The following LAMP1 variants were observed in gnomAD, a reference collection of about 807,000 sequenced individuals.
LAMP1 encodes lysosome associated membrane protein 1.
Under a neutral mutation model 37.5 loss-of-function variants are expected in LAMP1, and 7 were observed. The observed-to-expected ratio is 0.19, with a 90% confidence interval of 0.11 to 0.35. The LOEUF is 0.35. Among genes scored for constraint, LAMP1 ranks in the 10% least tolerant of loss-of-function variants. The pLI, the probability that LAMP1 is intolerant of heterozygous loss-of-function variation, is 1.00. For missense variants in LAMP1, 537 were observed against 552.8 expected, an observed-to-expected ratio of 0.97 and a Z score of 0.29; for synonymous variants, 236 against 229.1, an observed-to-expected ratio of 1.03 and a Z score of -0.27.
chr13:113,311,922 G>A (rs528461327), intron 4 of LAMP1, among the ~76,000 whole-genome samples: 2 of 152,322 alleles, frequency 1.3e-5, no homozygotes, highest in South Asian at 4.1e-4. Flanking sequence ...AAGCGTGAGG[G>A]CCTGTGATTT....
intron 1 of LAMP1, among the ~76,000 whole-genome samples, chr13:113,304,727 A>G (rs1170265792): frequency 2.0e-5 from 3 of 150,340 alleles, no homozygotes; most frequent in African/African-American, 7.4e-5. Flanking sequence ...TGCAATCTCG[A>G]CTCACTGCAA....
At chr13:113,303,102 C>T (rs1032585323) in intron 1 of LAMP1, among the ~76,000 whole-genome samples, 3 of 152,202 alleles carry the variant, frequency 2.0e-5, no homozygotes, top group Admixed American at 6.5e-5. Flanking sequence ...GCGTCAGTGC[C>T]GGGCACCAAA....
At chr13:113,313,894 A>G (rs1317855328) in intron 4 of LAMP1, among the ~76,000 whole-genome samples, 8 of 74,330 alleles carry the variant, frequency 1.1e-4, no homozygotes, top group Non-Finnish European at 1.4e-4. Context: ...CCTGGAGGGA[A>G]CCAGCGTGGA....
In LAMP1 at chr13:113,306,540, C is replaced by T. The variant is rs372572919; in HGVS notation, c.117C>T (p.Thr39=). Reference sequence around the variant, plus strand: ...TTATGGTGAAAAATGGCAACGGGACCGCGTGCATAATGGCCAACTTCTCTG... The same window carrying T: ...TTATGGTGAAAAATGGCAACGGGACTGCGTGCATAATGGCCAACTTCTCTG... ...AMFMVKNGNG[T]ACIMANFSAA... Residue 39 remains threonine (T), a synonymous_variant, in exon 2 of 9, where the codon ACC becomes ACT. Transcript: ENST00000332556. 50 of 1,613,878 alleles carry T rather than the reference C, an allele frequency of 3.1e-5. No individual in the cohort carries two copies. The African/African-American group carries it at 3.3e-4, about 11-fold the overall frequency.
chr13:113,308,618 C>T (rs1462548496), intron 2 of LAMP1, among the ~76,000 whole-genome samples: 1 of 152,126 alleles, frequency 6.6e-6, no homozygotes, highest in African/African-American at 2.4e-5. Context: ...GCCCAGCGTA[C>T]CTGGTCTCCA....
Position 113,321,891 on chromosome 13 carries a change from C to A in LAMP1, c.1114+164C>A. 1 of 679,072 alleles carries A rather than the reference C, an allele frequency of 1.5e-6. No homozygotes were observed. The highest frequency in any genetic ancestry group is 2.5e-6 in the Non-Finnish European group (1 of 407,016). 42.1% of individuals were successfully genotyped at this position (679,072 alleles called of 1,614,324 possible). A position where few individuals can be genotyped will look rare whatever the true frequency, so the allele number is the denominator to read the frequency against. On this transcript the variant is annotated intron_variant, in intron 8 of 8. Coordinates refer to ENST00000332556, the MANE Select transcript of LAMP1 (RefSeq NM_005561.4). The surrounding 1 kb of genome is among the most constrained non-coding windows in gnomAD (Gnocchi z 5.6). Reference sequence around the variant, plus strand: ...GAGATTCTAGAGGTAACTCCCCCTGCTTTAGAGAGGCCCAGCGTGTCTCTC... The same window carrying A: ...GAGATTCTAGAGGTAACTCCCCCTGATTTAGAGAGGCCCAGCGTGTCTCTC...
At chr13:113,300,373 C>T (rs1426118354) in intron 1 of LAMP1, among the ~76,000 whole-genome samples, 1 of 151,488 alleles carries the variant, frequency 6.6e-6, no homozygotes, top group East Asian at 1.9e-4. Flanking sequence ...GTAATTCCAG[C>T]TACGTGGGAG....
chr13:113,299,977 C>T (rs2042562175), intron 1 of LAMP1, among the ~76,000 whole-genome samples: 1 of 152,128 alleles, frequency 6.6e-6, no homozygotes, highest in Admixed American at 6.6e-5. Flanking sequence ...AAAGAAACTG[C>T]TCAATTACAA....
At chr13:113,319,359 A>G in intron 4 of LAMP1, 110 bp from the exon 5 acceptor site, 1 of 973,304 alleles carries the variant, frequency 1.0e-6, no homozygotes, top group Non-Finnish European at 1.5e-6. Context: ...AATAGTCACC[A>G]AGGACGCCAG....
At chr13:113,319,709 C>T in intron 5 of LAMP1, 53 bp downstream of exon 5, 1 of 1,534,014 alleles carries the variant, frequency 6.5e-7, no homozygotes, top group Middle Eastern at 2.1e-4. Flanking sequence ...GGGCTGGAGC[C>T]TCTGCTCCCT....
chr13:113,320,057 G>A lies in LAMP1; in HGVS notation c.751-288G>A, dbSNP rs1357157659. Among the ~76,000 whole-genome samples the A allele has an allele frequency of 1.3e-5, 2 of 152,164 alleles. No homozygotes were observed. Among genetic ancestry groups the A allele is most frequent in the African/African-American group, 4.8e-5 (2 of 41,442 alleles). ...GACAGGCTGTGGGGTTGTGGGGGTC[G>A]ACTTGCGTGCCGTGGGGTGAGTTTG... On this transcript the variant is annotated intron_variant, in intron 5 of 8. Transcript: ENST00000332556. The surrounding 1 kb of genome is among the most constrained non-coding windows in gnomAD (Gnocchi z 4.4).
At chr13:113,314,990 TG>T (rs2042653180) in intron 4 of LAMP1, among the ~76,000 whole-genome samples, 1 of 84,060 alleles carries the variant, frequency 1.2e-5, no homozygotes, top group Non-Finnish European at 2.3e-5. Context: ...CGTGGCCTCC[TG>T]AGGGAGTCAG....
chr13:113,302,409 C>CA (rs778052044), intron 1 of LAMP1, among the ~76,000 whole-genome samples: 1 of 152,054 alleles, frequency 6.6e-6, no homozygotes, highest in Non-Finnish European at 1.5e-5. Context: ...AGGCTAGTCT[C>CA]AAACTCCTGA....
At chr13:113,306,834 C>CTTTTTTT (rs780041684) in intron 2 of LAMP1, among the ~76,000 whole-genome samples, 41,877 of 79,510 alleles carry the variant, frequency 0.53, 15,087 homozygotes, top group Non-Finnish European at 0.62. Context: ...GAACATTTTC[C>CTTTTTTT]TTTTTTTTTT....
chr13:113,320,279 G>GT lies in LAMP1; in HGVS notation c.751-63dup. The stretch of plus-strand genomic sequence containing the variant: ...GCCTTGAATTCACGGTTTCAGGACT[G>GT]TTTGTCTTTTCGAGAGTGTGGAGGA... On this transcript the variant is annotated intron_variant, in intron 5 of 8. Coordinates refer to ENST00000332556, the MANE Select transcript of LAMP1 (RefSeq NM_005561.4). This position sits in a 1 kb window ranked among gnomAD's most constrained non-coding sequence, Gnocchi z 4.4. The GT allele has an allele frequency of 6.3e-7, 1 of 1,596,580 alleles. No homozygotes were observed. The highest frequency in any genetic ancestry group is 8.6e-7 in the Non-Finnish European group (1 of 1,166,574).
At chr13:113,311,897 G>A (rs2042632609) in intron 4 of LAMP1, among the ~76,000 whole-genome samples, 1 of 152,224 alleles carries the variant, frequency 6.6e-6, no homozygotes, top group African/African-American at 2.4e-5. Flanking sequence ...GTCATAGGTT[G>A]TTGTCATTTT....
In LAMP1 at chr13:113,309,716, C is replaced by A. The variant is rs1485609661; in HGVS notation, c.257C>A (p.Ser86Tyr). ...NRSSCGKENT[S>Y]DPSLVIAFGR... ...AGCTCCTGTGGAAAAGAGAACACTT[C>A]TGACCCCAGTCTCGTGATTGCTTTT... The change falls in exon 3 of 9, where the codon TCT becomes TAT. Residue 86 changes from serine to tyrosine, a missense_variant. By Grantham distance (144) the Ser-to-Tyr change is moderately radical (BLOSUM62 -2). Transcript: ENST00000332556. 2.5e-6 allele frequency: 4 copies of A among 1,614,114 alleles called. No individual in the cohort carries two copies. Among genetic ancestry groups the A allele is most frequent in the Non-Finnish European group, 3.4e-6 (4 of 1,180,050 alleles).
intron 1 of LAMP1, among the ~76,000 whole-genome samples, chr13:113,300,376 C>T (rs752028746): frequency 2.7e-5 from 4 of 150,436 alleles, no homozygotes; most frequent in Non-Finnish European, 4.4e-5. Context: ...ATTCCAGCTA[C>T]GTGGGAGGCT....
intron 4 of LAMP1, among the ~76,000 whole-genome samples, chr13:113,312,332 A>G (rs2042634934): frequency 6.6e-6 from 1 of 152,240 alleles, no homozygotes; most frequent in African/African-American, 2.4e-5. Context: ...CAGTGTCCAT[A>G]AGTTAAATTT....
Sources: allele counts gnomAD v4.1 joint callset (sites outside exome capture counted in the v4.1 genomes callset), GRCh38; gene constraint gnomAD v4.1.1; non-coding constraint Gnocchi (gnomAD v3.1); transcripts MANE v1.5; gene names NCBI Gene and HGNC (gene_info 2026-07-23, HGNC 2026-07-21).